Variants in EPHB1 observed in about 807,000 individuals in gnomAD.
EPHB1 encodes the protein EPH receptor B1.
In EPHB1, 30 loss-of-function variants were observed where a neutral mutation model predicts 94.4. The observed-to-expected ratio is 0.32, with a 90% CI of 0.24 to 0.43. The LOEUF is 0.43. Ranked by LOEUF, EPHB1 falls within the 20% of genes least tolerant of loss-of-function variation. The pLI, the probability that EPHB1 is intolerant of heterozygous loss-of-function variation, is 1.00. For missense variants in EPHB1, 1,055 were observed against 1,308.3 expected (o/e 0.81, Z 2.99); for synonymous variants, 522 against 489.1 (o/e 1.07, Z -0.89).
At chr3:134,974,609 C>G (rs1934110498) in intron 3 of EPHB1, among the ~76,000 whole-genome samples, 1 of 149,014 alleles carries the variant, frequency 6.7e-6, no homozygotes, top group South Asian at 2.2e-4. Context: ...TTGTGAATCT[C>G]ATCAACCCTT....
At chr3:135,108,014 C>T (rs1939287661) in intron 4 of EPHB1, among the ~76,000 whole-genome samples, 1 of 152,166 alleles carries the variant, frequency 6.6e-6, no homozygotes, top group African/African-American at 2.4e-5. Context: ...CTTAAGGATG[C>T]TGAATCACTG....
At chr3:135,142,679 C>G (rs146951052) in intron 5 of EPHB1, among the ~76,000 whole-genome samples, 9 of 152,162 alleles carry the variant, frequency 5.9e-5, no homozygotes, top group Admixed American at 4.6e-4. Flanking sequence ...TGACTTTAGG[C>G]AAAGCAGAGT....
At chr3:135,068,447 A>G (rs773358263) in intron 3 of EPHB1, among the ~76,000 whole-genome samples, 1 of 151,900 alleles carries the variant, frequency 6.6e-6, no homozygotes, top group Non-Finnish European at 1.5e-5. Flanking sequence ...TCATGTGTTT[A>G]CTGGGGCTGT....
intron 3 of EPHB1, among the ~76,000 whole-genome samples, chr3:135,009,304 C>T (rs776330746): frequency 6.6e-5 from 10 of 152,120 alleles, no homozygotes; most frequent in South Asian, 4.1e-4. Context: ...TTTTTACTAA[C>T]GTTCCCTGGG....
At chr3:135,070,117 A>G (rs1559817902) in intron 3 of EPHB1, among the ~76,000 whole-genome samples, 1 of 152,194 alleles carries the variant, frequency 6.6e-6, no homozygotes, top group South Asian at 2.1e-4. Flanking sequence ...AACCACCATC[A>G]TGGAATGGAG....
At chr3:134,834,356 C>T (rs888621609) in intron 1 of EPHB1, among the ~76,000 whole-genome samples, 21 of 152,154 alleles carry the variant, frequency 1.4e-4, no homozygotes, top group African/African-American at 5.1e-4. Flanking sequence ...GGATTCCTAA[C>T]TCTCCCCTCT....
chr3:135,177,205 G>A (rs572197124), intron 9 of EPHB1, among the ~76,000 whole-genome samples: 2 of 152,270 alleles, frequency 1.3e-5, no homozygotes, highest in South Asian at 2.1e-4. Context: ...CACATTACAC[G>A]GGGCTAGTAA....
At chr3:134,954,043 A>G (rs1194330352) in intron 3 of EPHB1, among the ~76,000 whole-genome samples, 1 of 152,252 alleles carries the variant, frequency 6.6e-6, no homozygotes, top group East Asian at 1.9e-4. Flanking sequence ...TGGGGAACCC[A>G]TGGCACCATC....
intron 12 of EPHB1, among the ~76,000 whole-genome samples, chr3:135,216,724 G>GA: frequency 2.0e-5 from 1 of 48,850 alleles, no homozygotes; most frequent in Non-Finnish European, 4.6e-5. Flanking sequence ...CTCTGTCTCA[G>GA]GGAAAAAAAA....
chr3:135,245,779 A>G (rs1943906819), intron 13 of EPHB1, among the ~76,000 whole-genome samples: 1 of 145,044 alleles, frequency 6.9e-6, no homozygotes, highest in South Asian at 2.3e-4. Context: ...GCACTCCAGC[A>G]TGAGCAAGAG....
chr3:135,151,462 C>T (rs1334175536), intron 5 of EPHB1, among the ~76,000 whole-genome samples: 1 of 152,174 alleles, frequency 6.6e-6, no homozygotes, highest in Admixed American at 6.5e-5. Flanking sequence ...TGATCACACA[C>T]CTCTCACCTC....
intron 1 of EPHB1, among the ~76,000 whole-genome samples, chr3:134,913,664 A>T (rs2038504909): frequency 6.6e-6 from 1 of 152,176 alleles, no homozygotes; most frequent in Admixed American, 6.5e-5. Flanking sequence ...GCCCACTTCC[A>T]TCAAGGGGTC....
intron 1 of EPHB1, among the ~76,000 whole-genome samples, chr3:134,862,499 C>CAAA (rs11315176): frequency 7.5e-6 from 1 of 133,942 alleles, no homozygotes. Context: ...CTTGTAAGCT[C>CAAA]AAAAAAAAAA....
At position 135,166,719 on chromosome 3, in the gene EPHB1, G is replaced by T. The variant is rs138067377; in HGVS notation, c.1695-223G>T. Among the ~76,000 whole-genome samples, 1,305 of 152,334 alleles carry T rather than the reference G, an allele frequency of 8.6e-3. 9 individuals carry two copies. Among genetic ancestry groups the T allele is most frequent in the Middle Eastern group, 0.024 (7 of 294 alleles). ...GGTCCCACAGTCCCGCCAGGCTTCT[G>T]CAAGACCTTGGCTGGAAAGCAGAAC... On this transcript the variant is annotated intron_variant, in intron 8 of 15. Coordinates refer to ENST00000398015, the MANE Select transcript of EPHB1 (RefSeq NM_004441.5).
chr3:135,117,391 A>G (rs1008756701), intron 4 of EPHB1, among the ~76,000 whole-genome samples: 18 of 152,242 alleles, frequency 1.2e-4, no homozygotes, highest in Non-Finnish European at 2.4e-4. Context: ...GAGAACTGCT[A>G]TGATATGGGA....
intron 12 of EPHB1, among the ~76,000 whole-genome samples, chr3:135,231,817 A>G (rs964984742): frequency 2.6e-5 from 4 of 152,134 alleles, no homozygotes; most frequent in Non-Finnish European, 5.9e-5. Flanking sequence ...AAACGAGACC[A>G]TCCTCTCCAA....
At chr3:135,048,840 GAAC>G (rs900716459) in intron 3 of EPHB1, among the ~76,000 whole-genome samples, 5 of 152,222 alleles carry the variant, frequency 3.3e-5, no homozygotes, top group African/African-American at 1.2e-4. Flanking sequence ...GGAGATGTTA[GAAC>G]AACTCAAATG....
At chr3:134,964,434 C>A (rs1933651614) in intron 3 of EPHB1, among the ~76,000 whole-genome samples, 1 of 152,206 alleles carries the variant, frequency 6.6e-6, no homozygotes, top group African/African-American at 2.4e-5. Context: ...CTCAGTTTGA[C>A]AGAGGACATA....
chr3:134,980,684 T>C (rs1934369311), intron 3 of EPHB1, among the ~76,000 whole-genome samples: 1 of 152,194 alleles, frequency 6.6e-6, no homozygotes, highest in East Asian at 1.9e-4. Flanking sequence ...CTCCCTGGCA[T>C]ACCAGGTCAG....
Sources: gnomAD v4.1 joint callset for allele counts (sites outside exome capture counted in the v4.1 genomes callset) on GRCh38, gnomAD v4.1.1 for gene constraint, MANE v1.5 for transcripts, NCBI Gene and HGNC (gene_info 2026-07-23, HGNC 2026-07-21) for gene names.